DDX10: variants seen among roughly 807,000 people sequenced by gnomAD.
DDX10 encodes the protein probable ATP-dependent RNA helicase DDX10.
Under a neutral mutation model 104.3 loss-of-function variants are expected in DDX10, and 74 were observed. That is an observed-to-expected ratio of 0.71 (90% CI 0.59 to 0.86). The LOEUF (loss-of-function observed/expected upper bound fraction) is 0.86, where lower values mean the gene tolerates loss of function less well. Among genes scored for constraint, DDX10 ranks in the 40% least tolerant of loss-of-function variants. The probability of loss-of-function intolerance (pLI) is 0.00; values close to 1 mark genes in which losing one functional copy is unlikely to be tolerated. For synonymous variants in DDX10, 351 were observed against 353.4 expected (o/e 0.99, Z 0.08); for missense variants, 952 against 1,040.0 (o/e 0.92, Z 1.16).
intron 15 of DDX10, among the ~76,000 whole-genome samples, chr11:108,845,667 A>T (rs1163096532): frequency 6.6e-6 from 1 of 152,342 alleles, no homozygotes; most frequent in East Asian, 1.9e-4. Flanking sequence ...CATATGAAAA[A>T]AAAACTTCGT....
intron 16 of DDX10, among the ~76,000 whole-genome samples, chr11:108,894,150 A>C (rs1332753674): frequency 6.6e-6 from 1 of 152,080 alleles, no homozygotes; most frequent in African/African-American, 2.4e-5. Flanking sequence ...TTTCTTGATT[A>C]AAAAAGAAAG....
chr11:108,910,757 G>A (rs865779357), intron 16 of DDX10, among the ~76,000 whole-genome samples: 3 of 136,590 alleles, frequency 2.2e-5, no homozygotes, highest in Non-Finnish European at 4.5e-5. Context: ...GTGTGTGTGT[G>A]TGTGTGTGTG....
At position 108,916,388 on chromosome 11, in the gene DDX10, A is replaced by G. The variant is rs1332001903; in HGVS notation, c.2305-1485A>G. Among the ~76,000 whole-genome samples, 3 of 150,424 alleles carry G rather than the reference A, an allele frequency of 2.0e-5. No individual in the cohort carries two copies. The East Asian group carries it at 6.0e-4, about 30-fold the overall frequency. ...TCTAATCCCCCCTCCCCCCAACTCA[A>G]TTTCTTTCCAGACCTTTTATTTTTT... On this transcript the variant is annotated intron_variant, in intron 16 of 17. Coordinates refer to ENST00000322536, the MANE Select transcript of DDX10 (RefSeq NM_004398.4).
At chr11:108,904,507 TGTTTATTTTTCAC>T (rs1591118878) in intron 16 of DDX10, among the ~76,000 whole-genome samples, 1 of 152,192 alleles carries the variant, frequency 6.6e-6, no homozygotes. Context: ...TTTAAATTGC[TGTTTATTTTTCAC>T]CAAAGATGAG....
At chr11:108,724,633 C>T (rs1275921970) in intron 13 of DDX10, among the ~76,000 whole-genome samples, 2 of 151,966 alleles carry the variant, frequency 1.3e-5, no homozygotes, top group East Asian at 3.9e-4. Flanking sequence ...GTTAGATTTT[C>T]GTTTTAAATA....
chr11:108,759,109 G>A (rs1044018466), intron 13 of DDX10, among the ~76,000 whole-genome samples: 8 of 152,008 alleles, frequency 5.3e-5, no homozygotes, highest in Non-Finnish European at 1.0e-4. Flanking sequence ...TCTGGGTTCT[G>A]CACTAGTAGA....
At chr11:108,892,992 T>A (rs1374873828) in intron 16 of DDX10, among the ~76,000 whole-genome samples, 2 of 152,186 alleles carry the variant, frequency 1.3e-5, no homozygotes, top group Non-Finnish European at 2.9e-5. Context: ...CTGTTTAGAA[T>A]CTTATATGTG....
chr11:108,813,331 G>C (rs952683684), intron 13 of DDX10, among the ~76,000 whole-genome samples: 12 of 152,010 alleles, frequency 7.9e-5, no homozygotes, highest in Non-Finnish European at 1.5e-4. Flanking sequence ...GAAGGAATTC[G>C]TATCTTAGTG....
At chr11:108,701,675 C>T (rs1456918050) in intron 9 of DDX10, among the ~76,000 whole-genome samples, 17 of 77,420 alleles carry the variant, frequency 2.2e-4, no homozygotes, top group Admixed American at 8.6e-4. Context: ...TTCTTCTTCT[C>T]TTTTTTTTTT....
At chr11:108,679,649 T>G (rs1373113589) in intron 6 of DDX10, 89 bp downstream of exon 6, 1 of 993,176 alleles carries the variant, frequency 1.0e-6, no homozygotes, top group South Asian at 1.9e-5. Flanking sequence ...TTCTGGGAAT[T>G]AAGACATTCT....
At chr11:108,689,179 A>G (rs2094248671) in intron 7 of DDX10, 117 bp downstream of exon 7, 1 of 1,050,972 alleles carries the variant, frequency 9.5e-7, no homozygotes, top group Non-Finnish European at 1.4e-6. Flanking sequence ...GTGGTGAGGG[A>G]TCTTTCGTGT....
chr11:108,919,335 G>A (rs972773448), intron 17 of DDX10: 1 of 152,118 alleles, frequency 6.6e-6, no homozygotes, highest in African/African-American at 2.4e-5. Context: ...ATATACAAAT[G>A]TTTGTGCCAT....
intron 13 of DDX10, among the ~76,000 whole-genome samples, chr11:108,760,180 T>TTAGC (rs2094349098): frequency 6.6e-6 from 1 of 151,982 alleles, no homozygotes; most frequent in Admixed American, 6.6e-5. Flanking sequence ...CCCCCCACCC[T>TTAGC]TAGCATTCAA....
At chr11:108,924,974 G>A (rs551847029) in intron 17 of DDX10, among the ~76,000 whole-genome samples, 2 of 152,260 alleles carry the variant, frequency 1.3e-5, no homozygotes, top group South Asian at 4.1e-4. Context: ...TAATTATATA[G>A]TGAATTTATT....
At chr11:108,840,364 T>C (rs1862619940) in intron 14 of DDX10, among the ~76,000 whole-genome samples, 1 of 152,232 alleles carries the variant, frequency 6.6e-6, no homozygotes, top group Non-Finnish European at 1.5e-5. Flanking sequence ...ATTAGCAGTC[T>C]TTCAAAACAA....
chr11:108,822,920 G>T (rs938887882), intron 13 of DDX10, among the ~76,000 whole-genome samples: 3 of 152,160 alleles, frequency 2.0e-5, no homozygotes, highest in African/African-American at 7.2e-5. Flanking sequence ...TGGCTAAGAT[G>T]AAATATAAGA....
intron 6 of DDX10, among the ~76,000 whole-genome samples, chr11:108,682,508 C>T (rs1310485269): frequency 6.6e-6 from 1 of 152,226 alleles, no homozygotes; most frequent in Non-Finnish European, 1.5e-5. Context: ...ACATTGTTTA[C>T]ACCCTATGTT....
chr11:108,803,536 G>A (rs1862054013), intron 13 of DDX10, among the ~76,000 whole-genome samples: 1 of 148,636 alleles, frequency 6.7e-6, no homozygotes, highest in African/African-American at 2.5e-5. Context: ...AGAGGTTGCG[G>A]TGAGCTGAGA....
chr11:108,666,690 A>C (rs1040538281), intron 1 of DDX10, among the ~76,000 whole-genome samples: 2 of 152,108 alleles, frequency 1.3e-5, no homozygotes, highest in African/African-American at 4.8e-5. Flanking sequence ...GCATAACTCC[A>C]GTCTCTGCCT....
Sources: gnomAD v4.1 joint callset for allele counts (sites outside exome capture counted in the v4.1 genomes callset) on GRCh38, gnomAD v4.1.1 for gene constraint, MANE v1.5 for transcripts, NCBI Gene and HGNC (gene_info 2026-07-23, HGNC 2026-07-21) for gene names.